Variants in SPAG16 observed in about 807,000 individuals in gnomAD.
SPAG16 encodes sperm associated antigen 16.
Under a neutral mutation model 80.4 loss-of-function variants are expected in SPAG16, and 86 were observed. The ratio of observed to expected loss-of-function variants is 1.07; its 90% CI spans 0.90 to 1.28. The LOEUF is 1.28. SPAG16 is among the 50% of genes most tolerant of loss of function. SPAG16 has a pLI of 0.00. For synonymous variants in SPAG16, 294 were observed against 265.9 expected (o/e 1.11, Z -1.03); for missense variants, 870 against 765.3 (o/e 1.14, Z -1.61).
chr2:214,160,359 C>G (rs1301409896), intron 15 of SPAG16, among the ~76,000 whole-genome samples: 1 of 151,700 alleles, frequency 6.6e-6, no homozygotes, highest in Non-Finnish European at 1.5e-5. Flanking sequence ...CTTTAGGTAC[C>G]ATTTTTCCTT....
At chr2:214,095,373 G>A (rs953205043) in intron 13 of SPAG16, among the ~76,000 whole-genome samples, 2 of 152,036 alleles carry the variant, frequency 1.3e-5, no homozygotes, top group Non-Finnish European at 2.9e-5. Context: ...TGGAAAAAGA[G>A]CTTCAAATTA....
intron 9 of SPAG16, among the ~76,000 whole-genome samples, chr2:213,442,009 G>C (rs142612914): frequency 6.6e-6 from 1 of 152,176 alleles, no homozygotes; most frequent in Admixed American, 6.6e-5. Flanking sequence ...AAAGTTAGCC[G>C]TAGTGGCACA....
chr2:214,163,668 A>G (rs1294435160), intron 15 of SPAG16, among the ~76,000 whole-genome samples: 1 of 151,612 alleles, frequency 6.6e-6, no homozygotes, highest in Non-Finnish European at 1.5e-5. Flanking sequence ...AGAGAGAGGA[A>G]AAGATTTATT....
chr2:214,345,391 AGC>A (rs1303673655), intron 15 of SPAG16, among the ~76,000 whole-genome samples: 1 of 152,144 alleles, frequency 6.6e-6, no homozygotes, highest in African/African-American at 2.4e-5. Context: ...CAAACAATTC[AGC>A]CCGCTCTCAT....
intron 10 of SPAG16, among the ~76,000 whole-genome samples, chr2:213,776,152 G>A (rs1193475312): frequency 6.6e-6 from 1 of 152,144 alleles, no homozygotes; most frequent in African/African-American, 2.4e-5. Context: ...TATGGCAAAG[G>A]AACTTTGTGA....
At chr2:214,312,688 G>T (rs1000912528) in intron 15 of SPAG16, among the ~76,000 whole-genome samples, 2 of 152,180 alleles carry the variant, frequency 1.3e-5, no homozygotes, top group South Asian at 2.1e-4. Context: ...TTATGTATGG[G>T]GAGCACAAGG....
intron 15 of SPAG16, among the ~76,000 whole-genome samples, chr2:214,194,175 G>C (rs1299516031): frequency 6.6e-6 from 1 of 151,990 alleles, no homozygotes; most frequent in Non-Finnish European, 1.5e-5. Context: ...TGGGGCTTTT[G>C]CTTTTTCTAG....
intron 10 of SPAG16, among the ~76,000 whole-genome samples, chr2:213,618,613 T>C (rs989101111): frequency 6.6e-6 from 1 of 152,178 alleles, no homozygotes; most frequent in African/African-American, 2.4e-5. Context: ...ATTCTATCTT[T>C]AAACACATTA....
At chr2:213,814,187 T>C (rs2072368893) in intron 10 of SPAG16, among the ~76,000 whole-genome samples, 1 of 152,216 alleles carries the variant, frequency 6.6e-6, no homozygotes, top group Admixed American at 6.5e-5. Flanking sequence ...GTACAAAATC[T>C]GCAGGCTGGA....
At position 213,789,254 on chromosome 2, in the gene SPAG16, A is replaced by T. The variant is rs576133895; in HGVS notation, c.1071-73231A>T. ...GGCTATAGTATTTCACTTTGGGTTA[A>T]CAACTTAGTAAGATGAACACCATTT... On this transcript the variant is annotated intron_variant, in intron 10 of 15. Coordinates refer to ENST00000331683, the MANE Select transcript of SPAG16 (RefSeq NM_024532.5). 2.0e-5 allele frequency among the ~76,000 whole-genome samples: 3 copies of T among 152,062 alleles called. No homozygotes were observed. In the East Asian group the frequency reaches 5.8e-4, roughly 29 times the overall value.
chr2:214,258,216 A>G (rs1397579808), intron 15 of SPAG16, among the ~76,000 whole-genome samples: 2 of 151,462 alleles, frequency 1.3e-5, no homozygotes, highest in Non-Finnish European at 3.0e-5. Context: ...ACTGTACCCA[A>G]TGTGTAGTCT....
intron 15 of SPAG16, among the ~76,000 whole-genome samples, chr2:214,369,849 G>C (rs73089222): frequency 0.017 from 2,552 of 152,116 alleles, 59 homozygotes; most frequent in African/African-American, 0.058. Flanking sequence ...TTCTATCAAT[G>C]ATTTCTTCTC....
chr2:213,936,346 A>G (rs914277532), intron 12 of SPAG16, among the ~76,000 whole-genome samples: 3 of 152,228 alleles, frequency 2.0e-5, no homozygotes, highest in African/African-American at 7.2e-5. Context: ...TTTATTCTCA[A>G]TGAAATGGGA....
At chr2:213,996,565 C>CTTTTTTT (rs57100155) in intron 12 of SPAG16, among the ~76,000 whole-genome samples, 2 of 116,980 alleles carry the variant, frequency 1.7e-5, no homozygotes, top group Non-Finnish European at 3.5e-5. Context: ...TAATGCTATT[C>CTTTTTTT]TTTTTTTTTT....
intron 13 of SPAG16, among the ~76,000 whole-genome samples, chr2:214,034,321 C>G (rs2048573094): frequency 6.6e-6 from 1 of 152,190 alleles, no homozygotes. Flanking sequence ...TAAAAAATAT[C>G]TTATTATTTT....
chr2:214,258,725 G>T (rs576029224), intron 15 of SPAG16, among the ~76,000 whole-genome samples: 20 of 151,670 alleles, frequency 1.3e-4, no homozygotes, highest in Admixed American at 6.6e-4. Flanking sequence ...AATCTTTTAA[G>T]TTTTTATTCT....
At chr2:213,939,653 C>T (rs188555210) in intron 12 of SPAG16, among the ~76,000 whole-genome samples, 235 of 152,184 alleles carry the variant, frequency 1.5e-3, no homozygotes, top group African/African-American at 5.5e-3. Context: ...TCATTTGAAG[C>T]GGTTTTCACA....
At chr2:213,311,957 C>T (rs934125695) in intron 4 of SPAG16, among the ~76,000 whole-genome samples, 1 of 151,408 alleles carries the variant, frequency 6.6e-6, no homozygotes, top group African/African-American at 2.4e-5. Flanking sequence ...TAGGTTCTTT[C>T]ACTCCTCAAG....
chr2:214,108,481 C>CCCACA (rs2053510403), intron 14 of SPAG16, among the ~76,000 whole-genome samples: 2 of 74,850 alleles, frequency 2.7e-5, no homozygotes, highest in Non-Finnish European at 5.1e-5. Flanking sequence ...ACACACACAC[C>CCCACA]CCCACACACA....
Sources: gnomAD v4.1 joint callset for allele counts (sites outside exome capture counted in the v4.1 genomes callset) on GRCh38, gnomAD v4.1.1 for gene constraint, MANE v1.5 for transcripts, NCBI Gene and HGNC (gene_info 2026-07-23, HGNC 2026-07-21) for gene names.